The following AHCY variants were observed in gnomAD, a reference collection of about 807,000 sequenced individuals.
AHCY encodes the protein adenosylhomocysteinase, also known as S-adenosyl-L-homocysteine hydrolase.
Under a neutral mutation model 45.4 loss-of-function variants are expected in AHCY, and 24 were observed. The observed-to-expected ratio is 0.53, with a 90% CI of 0.38 to 0.74. AHCY has a LOEUF of 0.74. Ranked by LOEUF, AHCY falls within the 30% of genes least tolerant of loss-of-function variation. The pLI, the probability that AHCY is intolerant of heterozygous loss-of-function variation, is 0.00. For synonymous variants in AHCY, 245 were observed against 235.1 expected (o/e 1.04, Z -0.39); for missense variants, 449 against 594.1 (o/e 0.76, Z 2.54).
At position 34,290,986 on chromosome 20, in the gene AHCY, G is replaced by T; in HGVS notation, c.559-48C>A. ...GACAATAGGGGCAGGCAAGGCCCTG[G>T]GGCCAGGACAACTTGGCCTCAGAGT... is the stretch of plus-strand genomic sequence containing the variant. On this transcript the variant is annotated intron_variant, in intron 5 of 9. Coordinates refer to ENST00000217426, the MANE Select transcript of AHCY (RefSeq NM_000687.4). The surrounding 1 kb of genome is among the most constrained non-coding windows in gnomAD (Gnocchi z 4.5). The T allele has an allele frequency of 1.3e-6, 2 of 1,583,654 alleles. No homozygotes were observed. Among genetic ancestry groups the T allele is most frequent in the Non-Finnish European group, 1.7e-6 (2 of 1,154,014 alleles).
rs1250252735 is a variant in AHCY at position 34,290,416 on chromosome 20, C to T, written c.888G>A (p.Val296=). 10 of 1,614,122 alleles carry T rather than the reference C, an allele frequency of 6.2e-6. No individual in the cohort carries two copies. Among genetic ancestry groups the T allele is most frequent in the African/African-American group, 1.3e-5 (1 of 74,950 alleles). Residue 296 remains valine, a synonymous_variant, in exon 8 of 10, where the codon GTG becomes GTA. Transcript: ENST00000217426. The surrounding 1 kb of genome is among the most constrained non-coding windows in gnomAD (Gnocchi z 4.5). ...CCACGTCAAAGTGTCCAATGTTACACACAATGGCATCATCCTTCATCTGCT... is the reference window on the plus strand; with the variant it reads ...CCACGTCAAAGTGTCCAATGTTACATACAATGGCATCATCCTTCATCTGCT... ...HFEQMKDDAI[V]CNIGHFDVEI... is the part of the protein sequence containing the mutation.
chr20:34,268,876 C>G, the AHCY span: 1 of 1,348,660 alleles, frequency 7.4e-7, no homozygotes, highest in African/African-American at 1.5e-5. Context: ...GGTGGGCAAG[C>G]CAGCGGGGAA....
chr20:34,262,989 G>T, the AHCY span: 2 of 1,397,174 alleles, frequency 1.4e-6, no homozygotes, highest in East Asian at 2.3e-5. Flanking sequence ...CTAAATGAAA[G>T]ATTTTTCAGG....
At chr20:34,257,064 C>CTCTTTTTTTTTTT in the AHCY span, among the ~76,000 whole-genome samples, 6 of 125,680 alleles carry the variant, frequency 4.8e-5, no homozygotes, top group African/African-American at 1.4e-4. Context: ...CTCTCTCTTT[C>CTCTTTTTTTTTTT]TTTCTCTTTT....
chr20:34,246,039 A>G, the AHCY span: 2 of 938,788 alleles, frequency 2.1e-6, no homozygotes, highest in South Asian at 2.7e-5. Context: ...TGTCATCTGT[A>G]AAGTCTCCCC....
Position 34,285,813 on chromosome 20 carries a change from G to A in AHCY, c.973-179C>T, listed in dbSNP as rs819134. ...CAGCCAATATTTATTAAGAAATGTT[G>A]AGCTGGCCGGGGCACGGTGGCTCAC... is the stretch of plus-strand genomic sequence containing the variant. On this transcript the variant is annotated intron_variant, in intron 8 of 9. Coordinates refer to ENST00000217426, the MANE Select transcript of AHCY (RefSeq NM_000687.4). Among the ~76,000 whole-genome samples, 113,263 of 152,182 alleles carry A rather than the reference G, an allele frequency of 0.74. 45,509 individuals are homozygous for A. Among genetic ancestry groups the A allele is most frequent in the Non-Finnish European group, 0.89 (60,294 of 68,012 alleles).
At chr20:34,260,468 G>A in the AHCY span, 1 of 1,614,140 alleles carries the variant, frequency 6.2e-7, no homozygotes, top group Non-Finnish European at 8.5e-7. Flanking sequence ...GAAGCTCCGA[G>A]ATGACAGGAG....
chr20:34,234,655 C>T, the AHCY span, among the ~76,000 whole-genome samples: 5 of 151,672 alleles, frequency 3.3e-5, no homozygotes, highest in Admixed American at 6.6e-5. Flanking sequence ...TACAAAAATT[C>T]GCCGGGCGTG....
chr20:34,306,050 C>G (rs2036892094), upstream of AHCY, among the ~76,000 whole-genome samples: 1 of 148,512 alleles, frequency 6.7e-6, no homozygotes, highest in Non-Finnish European at 1.5e-5. Flanking sequence ...CCACCGCACT[C>G]CAGCCTGGGT....
At chr20:34,303,170 T>G (rs1055400332) in intron 1 of AHCY, 73 bp downstream of exon 1, 2 of 1,547,252 alleles carry the variant, frequency 1.3e-6, no homozygotes, top group African/African-American at 2.7e-5. Flanking sequence ...GAGTCGGCCC[T>G]GCAGCCCCCG....
chr20:34,306,983 T>A (rs538487113), upstream of AHCY, among the ~76,000 whole-genome samples: 82 of 152,346 alleles, frequency 5.4e-4, no homozygotes, highest in Non-Finnish European at 1.0e-3. Context: ...TGATGGAATG[T>A]TCTGGATCTT....
intron 9 of AHCY, among the ~76,000 whole-genome samples, chr20:34,282,113 CCGAGTGA>C (rs1434056459): frequency 1.3e-5 from 2 of 152,110 alleles, no homozygotes; most frequent in Admixed American, 1.3e-4. Context: ...CCCCACCCCA[CCGAGTGA>C]TTCCTTTCTA....
At chr20:34,254,989 C>A in the AHCY span, among the ~76,000 whole-genome samples, 2 of 152,238 alleles carry the variant, frequency 1.3e-5, no homozygotes, top group East Asian at 3.9e-4. Context: ...TAAACTAACC[C>A]CTAGGATTCA....
intron 1 of AHCY, chr20:34,301,708 T>TA (rs1449261990): frequency 6.0e-5 from 40 of 670,526 alleles, no homozygotes; most frequent in East Asian, 1.4e-4. Flanking sequence ...CTCTCCACAG[T>TA]ATGACAAGCC....
At chr20:34,274,440 G>A in the AHCY span, among the ~76,000 whole-genome samples, 12 of 152,126 alleles carry the variant, frequency 7.9e-5, no homozygotes, top group Non-Finnish European at 1.6e-4. Context: ...CTCTGCCTGC[G>A]TAGAGCCAAC....
At chr20:34,292,256 G>T in intron 4 of AHCY, 102 bp downstream of exon 4, 2 of 1,424,748 alleles carry the variant, frequency 1.4e-6, no homozygotes, top group Non-Finnish European at 1.9e-6. Context: ...AGATCCTGCT[G>T]CTTGAGGTGA....
the AHCY span, chr20:34,260,555 G>C: frequency 6.3e-7 from 1 of 1,590,114 alleles, no homozygotes; most frequent in Non-Finnish European, 8.6e-7. Context: ...TAGCCTCTGG[G>C]CTCTGGCCCA....
intron 9 of AHCY, among the ~76,000 whole-genome samples, chr20:34,285,067 C>T (rs1251969164): frequency 1.3e-5 from 2 of 152,150 alleles, no homozygotes; most frequent in African/African-American, 4.8e-5. Context: ...GAAATCCTCA[C>T]AATCCTGAAG....
chr20:34,277,730 G>T (rs1038374980), downstream of AHCY, among the ~76,000 whole-genome samples: 3 of 146,112 alleles, frequency 2.1e-5, no homozygotes, highest in Non-Finnish European at 1.5e-5. Flanking sequence ...ACTCCAGCCT[G>T]GGCGACAGAG....
Sources: gnomAD v4.1 joint callset for allele counts (sites outside exome capture counted in the v4.1 genomes callset) on GRCh38, gnomAD v4.1.1 for gene constraint, Gnocchi (gnomAD v3.1) non-coding constraint, MANE v1.5 for transcripts, NCBI Gene and HGNC (gene_info 2026-07-23, HGNC 2026-07-21) for gene names.